Variants in FAM135A observed in about 807,000 individuals in gnomAD.
FAM135A encodes family with sequence similarity 135 member A, also known as protein FAM135A.
Under a neutral mutation model 146.8 loss-of-function variants are expected in FAM135A, and 79 were observed. The ratio of observed to expected loss-of-function variants is 0.54; its 90% CI spans 0.45 to 0.65. The LOEUF is 0.65. Ranked by LOEUF, FAM135A falls within the 30% of genes least tolerant of loss-of-function variation. FAM135A has a pLI of 0.00. For missense variants in FAM135A, 1,623 were observed against 1,758.2 expected (o/e 0.92, Z 1.38); for synonymous variants, 562 against 603.6 (o/e 0.93, Z 1.01).
chr6:70,425,976 G>A (rs886615811), intron 2 of FAM135A, among the ~76,000 whole-genome samples: 6 of 152,088 alleles, frequency 3.9e-5, no homozygotes, highest in African/African-American at 1.2e-4. Context: ...GGTGGCGGGC[G>A]CCTGTAGTCC....
rs74699875 is a variant in FAM135A, at chr6:70,529,002, G to T, written c.3775+550G>T. 2.6e-3 allele frequency among the ~76,000 whole-genome samples: 402 copies of T among 151,828 alleles called. 14 individuals are homozygous for T. The East Asian group carries it at 0.067, about 25-fold the overall frequency. On this transcript the variant is annotated intron_variant, in intron 16 of 21. Transcript: ENST00000418814. ...GATTTCCAGCTTCATCCATGTCCCT[G>T]CAAAGGACCTGAGCTCAGTGGATTT...
In FAM135A at chr6:70,559,988, TA is replaced by T; in HGVS notation, c.*71del. 2 of 1,236,352 alleles carry T rather than the reference TA, an allele frequency of 1.6e-6. No homozygotes were observed. Among genetic ancestry groups the T allele is most frequent in the Non-Finnish European group, 2.3e-6 (2 of 879,122 alleles). 76.6% of individuals were successfully genotyped at this position (1,236,352 alleles called of 1,614,324 possible). A position where few individuals can be genotyped will look rare whatever the true frequency, so the allele number is the denominator to read the frequency against. On this transcript the variant is annotated 3_prime_UTR_variant, in exon 22 of 22. Coordinates refer to ENST00000418814, the MANE Select transcript of FAM135A (RefSeq NM_001162529.3). ...CAATGTTTCAAATAATGTATTATAT[TA>T]AAATGTAGATGCTGATAAGTTCTAA...
intron 5 of FAM135A, among the ~76,000 whole-genome samples, chr6:70,464,580 T>C (rs928750661): frequency 1.3e-5 from 2 of 152,000 alleles, no homozygotes; most frequent in Non-Finnish European, 2.9e-5. Flanking sequence ...AGTTTGATAA[T>C]AACATTAAAG....
intron 10 of FAM135A, among the ~76,000 whole-genome samples, chr6:70,484,578 A>T (rs1180606221): frequency 6.6e-6 from 1 of 152,102 alleles, no homozygotes; most frequent in Non-Finnish European, 1.5e-5. Flanking sequence ...TTGTTTTGGG[A>T]TGAAACTATT....
intron 16 of FAM135A, among the ~76,000 whole-genome samples, chr6:70,531,919 A>G (rs2128396723): frequency 7.8e-6 from 1 of 128,004 alleles, no homozygotes. Flanking sequence ...TTTTTGAGAC[A>G]GAATCTCACT....
intron 20 of FAM135A, among the ~76,000 whole-genome samples, chr6:70,541,715 G>A (rs902864087): frequency 6.6e-6 from 1 of 152,088 alleles, no homozygotes; most frequent in African/African-American, 2.4e-5. Flanking sequence ...TACACCTAGA[G>A]GCTTACTTAG....
intron 4 of FAM135A, among the ~76,000 whole-genome samples, chr6:70,435,538 A>T: frequency 6.7e-6 from 1 of 150,258 alleles, no homozygotes; most frequent in East Asian, 2.0e-4. Flanking sequence ...GTTTTTTTTG[A>T]GATGGAGTTT....
intron 10 of FAM135A, among the ~76,000 whole-genome samples, chr6:70,490,302 G>A (rs926442429): frequency 6.6e-6 from 1 of 152,070 alleles, no homozygotes; most frequent in African/African-American, 2.4e-5. Flanking sequence ...TTAAGTGTAT[G>A]TAAAGATATT....
chr6:70,451,139 G>T (rs966769551), intron 4 of FAM135A, among the ~76,000 whole-genome samples: 2 of 152,078 alleles, frequency 1.3e-5, no homozygotes, highest in Non-Finnish European at 2.9e-5. Flanking sequence ...TGTGAAAAAT[G>T]ATGCCAGATA....
chr6:70,516,530 CTTTTTTT>C (rs1174927909), intron 12 of FAM135A, among the ~76,000 whole-genome samples: 2 of 84,958 alleles, frequency 2.4e-5, no homozygotes, highest in Non-Finnish European at 4.4e-5. Context: ...ATTTTCTTTT[CTTTTTTT>C]TTTTTTTTTT....
intron 5 of FAM135A, among the ~76,000 whole-genome samples, chr6:70,454,692 A>C (rs1296622018): frequency 6.6e-6 from 1 of 151,998 alleles, no homozygotes; most frequent in Non-Finnish European, 1.5e-5. Context: ...TGTTTTTGTC[A>C]GGTTTGTCAG....
intron 4 of FAM135A, among the ~76,000 whole-genome samples, chr6:70,431,189 A>G (rs1473361418): frequency 6.6e-6 from 1 of 152,074 alleles, no homozygotes; most frequent in Non-Finnish European, 1.5e-5. Flanking sequence ...TGTATTGTTT[A>G]TTGTCACAAT....
intron 10 of FAM135A, among the ~76,000 whole-genome samples, chr6:70,487,492 G>A (rs1406603384): frequency 6.6e-6 from 1 of 152,018 alleles, no homozygotes; most frequent in African/African-American, 2.4e-5. Context: ...ATGAAATGAA[G>A]GAAGTTAAAA....
At chr6:70,454,284 T>A (rs1043823230) in intron 5 of FAM135A, among the ~76,000 whole-genome samples, 1 of 152,226 alleles carries the variant, frequency 6.6e-6, no homozygotes, top group Non-Finnish European at 1.5e-5. Flanking sequence ...TTTGTTTAAG[T>A]TCTTTGTAGA....
At chr6:70,555,489 G>A (rs1467266493) in intron 20 of FAM135A, among the ~76,000 whole-genome samples, 1 of 151,990 alleles carries the variant, frequency 6.6e-6, no homozygotes, top group Non-Finnish European at 1.5e-5. Flanking sequence ...TTGGGCTCAG[G>A]CAATTTTCCC....
intron 20 of FAM135A, among the ~76,000 whole-genome samples, chr6:70,555,919 G>A (rs757203648): frequency 6.6e-6 from 1 of 151,940 alleles, no homozygotes; most frequent in Non-Finnish European, 1.5e-5. Context: ...AGTATCATAC[G>A]GTCACACTTG....
intron 11 of FAM135A, among the ~76,000 whole-genome samples, chr6:70,492,673 G>A (rs1436852587): frequency 1.7e-3 from 227 of 136,052 alleles, no homozygotes; most frequent in Middle Eastern, 3.8e-3. Context: ...AAAAAAAAAA[G>A]GATACAATGA....
At position 70,475,747 on chromosome 6, in the gene FAM135A, C is replaced by T. The variant is rs2128157418; in HGVS notation, c.368+14C>T. ...TGGAGATTATTCGTAAGTAGCTAAT[C>T]AATTAAAAAACCTTTAGGCACTTAT... is the stretch of plus-strand genomic sequence containing the variant. On this transcript the variant is annotated intron_variant, in intron 7 of 21. Coordinates refer to ENST00000418814, the MANE Select transcript of FAM135A (RefSeq NM_001162529.3). 1 of 1,585,946 alleles carries T rather than the reference C, an allele frequency of 6.3e-7. No individual in the cohort carries two copies. The highest frequency in any genetic ancestry group is 1.1e-5 in the South Asian group (1 of 87,824).
chr6:70,417,710 A>G (rs1767862961), intron 2 of FAM135A: 1 of 736,688 alleles, frequency 1.4e-6, no homozygotes, highest in Admixed American at 6.3e-5. Context: ...ATTGCCAGCA[A>G]GTCAAGGGCT....
Sources: gnomAD v4.1 joint callset for allele counts (sites outside exome capture counted in the v4.1 genomes callset) on GRCh38, gnomAD v4.1.1 for gene constraint, MANE v1.5 for transcripts, NCBI Gene and HGNC (gene_info 2026-07-23, HGNC 2026-07-21) for gene names.